Variants in MAGI2 observed in about 807,000 individuals in gnomAD.
MAGI2 encodes the protein membrane-associated guanylate kinase, WW and PDZ domain-containing protein 2.
In MAGI2, 35 loss-of-function variants were observed where a neutral mutation model predicts 133.3. The observed-to-expected ratio is 0.26, with a 90% CI of 0.20 to 0.35. The LOEUF (loss-of-function observed/expected upper bound fraction) is 0.35. Ranked by LOEUF, MAGI2 falls within the 10% of genes least tolerant of loss-of-function variation. MAGI2 has a pLI of 1.00. For missense variants in MAGI2, 1,636 were observed against 1,863.4 expected, an observed-to-expected ratio of 0.88 and a Z score of 2.25; for synonymous variants, 729 against 710.6, an observed-to-expected ratio of 1.03 and a Z score of -0.41.
At chr7:78,854,597 A>G (rs909284203) in intron 2 of MAGI2, among the ~76,000 whole-genome samples, 6 of 151,778 alleles carry the variant, frequency 4.0e-5, no homozygotes, top group African/African-American at 1.5e-4. Flanking sequence ...TCAGTTCCTT[A>G]GTAAAGTCTT....
chr7:79,438,337 C>A (rs966404041), intron 1 of MAGI2, among the ~76,000 whole-genome samples: 2 of 152,100 alleles, frequency 1.3e-5, no homozygotes, highest in African/African-American at 2.4e-5. Flanking sequence ...CCATTTCTAA[C>A]TTAATTTTGT....
At chr7:78,343,671 T>G in intron 9 of MAGI2, 107 bp downstream of exon 9, 4 of 758,518 alleles carry the variant, frequency 5.3e-6, no homozygotes, top group Non-Finnish European at 7.6e-6. Context: ...TTTCCTAAAG[T>G]GAAGTGACCT....
intron 1 of MAGI2, among the ~76,000 whole-genome samples, chr7:79,448,135 TA>T (rs1848990093): frequency 6.6e-6 from 1 of 151,894 alleles, no homozygotes; most frequent in Non-Finnish European, 1.5e-5. Context: ...TATGTAAAAA[TA>T]AACTATGTCT....
At chr7:79,266,750 C>A (rs1319844732) in intron 1 of MAGI2, among the ~76,000 whole-genome samples, 1 of 152,130 alleles carries the variant, frequency 6.6e-6, no homozygotes, top group Non-Finnish European at 1.5e-5. Context: ...TGACTATGGT[C>A]AGGGCTACTA....
chr7:79,022,646 C>CAAAAAAAAAAAAAAAAAAAAA, intron 1 of MAGI2, among the ~76,000 whole-genome samples: 1 of 118,632 alleles, frequency 8.4e-6, no homozygotes, highest in Non-Finnish European at 1.7e-5. Flanking sequence ...AGACAAGATC[C>CAAAAAAAAAAAAAAAAAAAAA]AAAAAAAAAA....
At chr7:78,365,113 CA>C (rs757601134) in intron 7 of MAGI2, among the ~76,000 whole-genome samples, 1 of 151,968 alleles carries the variant, frequency 6.6e-6, no homozygotes, top group Non-Finnish European at 1.5e-5. Flanking sequence ...AAGGTCCAAA[CA>C]ATAAGGATTC....
In MAGI2 at chr7:79,315,325, ATTT is replaced by A. The variant is rs775143230; in HGVS notation, c.301+137692_301+137694del. On this transcript the variant is annotated intron_variant, in intron 1 of 21. Transcript: ENST00000354212. ...AGGCATGTGCAACCATGCCCAGTTAATTTTTTTTTTTTTTTTTTTTTGTATTTT... is the reference window on the plus strand; with the variant it reads ...AGGCATGTGCAACCATGCCCAGTTAATTTTTTTTTTTTTTTTTTGTATTTT... 1.4e-3 allele frequency among the ~76,000 whole-genome samples: 129 copies of A among 92,468 alleles called. 1 individual carries two copies. Among genetic ancestry groups the A allele is most frequent in the Middle Eastern group, 6.0e-3 (1 of 166 alleles). The allele number at this position is 92,468 out of a possible 152,430, so 60.7% of individuals were successfully genotyped here.
chr7:79,452,881 T>G, intron 1 of MAGI2, 139 bp downstream of exon 1: 1 of 897,724 alleles, frequency 1.1e-6, no homozygotes, highest in Non-Finnish European at 1.6e-6. Flanking sequence ...GAAACTCACT[T>G]GCACTGCGGG....
intron 1 of MAGI2, among the ~76,000 whole-genome samples, chr7:79,382,657 G>T (rs1843876079): frequency 6.6e-6 from 1 of 151,480 alleles, no homozygotes; most frequent in Non-Finnish European, 1.5e-5. Flanking sequence ...TGATAAAGAG[G>T]TACCTGGCAT....
At chr7:79,179,632 C>T (rs13222189) in intron 1 of MAGI2, among the ~76,000 whole-genome samples, 105,039 of 151,814 alleles carry the variant, frequency 0.69, 39,462 homozygotes, top group Non-Finnish European at 0.84. Context: ...ATATTGATAG[C>T]CAACTGATCT....
At chr7:78,125,184 C>T (rs1361956928) in intron 20 of MAGI2, among the ~76,000 whole-genome samples, 1 of 152,058 alleles carries the variant, frequency 6.6e-6, no homozygotes, top group Non-Finnish European at 1.5e-5. Context: ...TTTTTAAGAA[C>T]AACCTGTATC....
At chr7:78,931,213 A>T (rs1332166233) in intron 2 of MAGI2, among the ~76,000 whole-genome samples, 1 of 152,128 alleles carries the variant, frequency 6.6e-6, no homozygotes, top group Non-Finnish European at 1.5e-5. Context: ...TTGCAAAAGC[A>T]GAGACCTGGA....
intron 10 of MAGI2, among the ~76,000 whole-genome samples, chr7:78,240,596 A>G (rs771449592): frequency 3.3e-5 from 5 of 152,204 alleles, no homozygotes; most frequent in Non-Finnish European, 5.9e-5. Context: ...TTGATTTCAT[A>G]GAAGTAGAAA....
intron 9 of MAGI2, among the ~76,000 whole-genome samples, chr7:78,285,349 A>T (rs574972859): frequency 6.6e-6 from 1 of 152,058 alleles, no homozygotes; most frequent in East Asian, 1.9e-4. Context: ...TACCTCTCTC[A>T]GTCTCCAATA....
At chr7:78,265,813 T>C (rs1321763916) in intron 9 of MAGI2, among the ~76,000 whole-genome samples, 1 of 152,226 alleles carries the variant, frequency 6.6e-6, no homozygotes, top group Non-Finnish European at 1.5e-5. Context: ...ATGATTCGTT[T>C]TTGCAGAAAT....
intron 1 of MAGI2, among the ~76,000 whole-genome samples, chr7:79,437,564 T>C (rs926598379): frequency 5.9e-5 from 9 of 152,110 alleles, no homozygotes; most frequent in Admixed American, 3.9e-4. Flanking sequence ...ATTACAAACA[T>C]AGTACTCAAA....
intron 6 of MAGI2, among the ~76,000 whole-genome samples, chr7:78,455,456 G>A (rs1454889285): frequency 6.6e-6 from 1 of 152,080 alleles, no homozygotes; most frequent in Non-Finnish European, 1.5e-5. Flanking sequence ...CAACAATGTA[G>A]ACAGAATAAG....
chr7:78,700,612 T>C (rs1817968147), intron 2 of MAGI2, among the ~76,000 whole-genome samples: 1 of 152,078 alleles, frequency 6.6e-6, no homozygotes, highest in Non-Finnish European at 1.5e-5. Context: ...CTCAACCACT[T>C]TGAACAAATC....
At chr7:78,523,320 T>G (rs1232723695) in intron 3 of MAGI2, among the ~76,000 whole-genome samples, 2 of 151,838 alleles carry the variant, frequency 1.3e-5, no homozygotes, top group Admixed American at 1.3e-4. Context: ...TATAAATATA[T>G]AAGATGGCTA....
Sources: gnomAD v4.1 joint callset for allele counts (sites outside exome capture counted in the v4.1 genomes callset) on GRCh38, gnomAD v4.1.1 for gene constraint, MANE v1.5 for transcripts, NCBI Gene and HGNC (gene_info 2026-07-23, HGNC 2026-07-21) for gene names.